EPHA6: variants seen among roughly 807,000 people sequenced by gnomAD.
The protein encoded by EPHA6 is ephrin type-A receptor 6.
EPHA6 carries 50 observed loss-of-function variants against 112.0 expected under a neutral mutation model. The ratio of observed to expected loss-of-function variants is 0.45; its 90% CI spans 0.36 to 0.56. EPHA6 has a LOEUF of 0.56. EPHA6 is among the 20% of genes least tolerant of loss of function. EPHA6 has a pLI of 0.00. For missense variants in EPHA6, 1,280 were observed against 1,417.4 expected, an observed-to-expected ratio of 0.90 and a Z score of 1.56; for synonymous variants, 529 against 490.7, an observed-to-expected ratio of 1.08 and a Z score of -1.03.
chr3:97,185,896 A>G (rs1389284867), intron 3 of EPHA6, among the ~76,000 whole-genome samples: 1 of 151,996 alleles, frequency 6.6e-6, no homozygotes, highest in East Asian at 1.9e-4. Flanking sequence ...AAAAGGATGA[A>G]TTCATGTCCT....
chr3:96,934,722 G>A (rs2040494567), intron 2 of EPHA6, among the ~76,000 whole-genome samples: 1 of 150,830 alleles, frequency 6.6e-6, no homozygotes, highest in African/African-American at 2.4e-5. Context: ...TAAACTAAGG[G>A]GAATAATTAG....
At chr3:97,443,310 C>T (rs1211860037) in intron 6 of EPHA6, among the ~76,000 whole-genome samples, 1 of 148,540 alleles carries the variant, frequency 6.7e-6, no homozygotes, top group Non-Finnish European at 1.5e-5. Context: ...AGCTTCAGTC[C>T]TCTAGCCAGT....
At chr3:97,506,977 G>T (rs2092266174) in intron 10 of EPHA6, among the ~76,000 whole-genome samples, 1 of 151,914 alleles carries the variant, frequency 6.6e-6, no homozygotes, top group African/African-American at 2.4e-5. Context: ...GTCTATTATT[G>T]GTGTAGAGGA....
chr3:97,608,824 G>A (rs2093698053), intron 12 of EPHA6, among the ~76,000 whole-genome samples: 1 of 151,284 alleles, frequency 6.6e-6, no homozygotes, highest in Non-Finnish European at 1.5e-5. Flanking sequence ...CTAACAGGGT[G>A]AGACTTGGAG....
At chr3:96,815,679 T>C (rs1197142709) in intron 1 of EPHA6, among the ~76,000 whole-genome samples, 3 of 152,162 alleles carry the variant, frequency 2.0e-5, no homozygotes, top group Non-Finnish European at 4.4e-5. Context: ...ACAGATTGCT[T>C]GGAGGACTTT....
chr3:97,466,169 C>T, intron 7 of EPHA6: 1 of 664,534 alleles, frequency 1.5e-6, no homozygotes, highest in Non-Finnish European at 2.8e-6. Flanking sequence ...CACATTTCCA[C>T]TCCATTTCAC....
At chr3:97,421,255 A>T (rs1170809521) in intron 6 of EPHA6, among the ~76,000 whole-genome samples, 1 of 152,172 alleles carries the variant, frequency 6.6e-6, no homozygotes, top group African/African-American at 2.4e-5. Context: ...ATTCCAGATG[A>T]TATGACTCTT....
intron 3 of EPHA6, among the ~76,000 whole-genome samples, chr3:97,222,824 T>C (rs2078245954): frequency 6.6e-6 from 1 of 152,172 alleles, no homozygotes; most frequent in African/African-American, 2.4e-5. Flanking sequence ...ACAAATCTGC[T>C]CTTGTGGTGC....
chr3:96,829,987 A>ACG, intron 1 of EPHA6, among the ~76,000 whole-genome samples: 1 of 150,444 alleles, frequency 6.6e-6, no homozygotes, highest in Non-Finnish European at 1.5e-5. Context: ...ACACACACAC[A>ACG]CAGAAATGGT....
At position 97,646,362 on chromosome 3, in the gene EPHA6, C is replaced by G. The variant is rs564567477; in HGVS notation, c.2784+8280C>G. Reference sequence around the variant, plus strand: ...AATCCTATACATGTAATATATAAGACAGTATTGTCCACATTTCAAAATACA... The same window carrying G: ...AATCCTATACATGTAATATATAAGAGAGTATTGTCCACATTTCAAAATACA... On this transcript the variant is annotated intron_variant, in intron 14 of 17. Coordinates refer to ENST00000389672, the MANE Select transcript of EPHA6 (RefSeq NM_001080448.3). 48 of 1,185,410 alleles carry G rather than the reference C, an allele frequency of 4.0e-5. 1 individual carries two copies. In the South Asian group the frequency reaches 1.0e-3, roughly 25 times the overall value. The allele number at this position is 1,185,410 out of a possible 1,614,324, so 73.4% of individuals were successfully genotyped here.
At chr3:96,847,954 C>A (rs1415036738) in intron 1 of EPHA6, among the ~76,000 whole-genome samples, 6 of 152,046 alleles carry the variant, frequency 3.9e-5, no homozygotes, top group African/African-American at 1.4e-4. Flanking sequence ...TGTTTTATAA[C>A]GTTCACAGTT....
In EPHA6 at chr3:97,749,397, T is replaced by C. The variant is rs1353574276; in HGVS notation, c.*696T>C. ...ACTTTATAATGTCATACATATTTCA[T>C]AGTAGGTGGTAGTTTAAAGGCTTTT... On this transcript the variant is annotated 3_prime_UTR_variant, in exon 18 of 18. Transcript: ENST00000389672. Among the ~76,000 whole-genome samples, 2 of 152,166 alleles carry C rather than the reference T, an allele frequency of 1.3e-5. No individual in the cohort carries two copies. Among genetic ancestry groups the C allele is most frequent in the African/African-American group, 2.4e-5 (1 of 41,440 alleles).
At chr3:97,228,555 AT>A (rs544650641) in intron 4 of EPHA6, among the ~76,000 whole-genome samples, 477 of 150,894 alleles carry the variant, frequency 3.2e-3, no homozygotes, top group African/African-American at 0.011. Context: ...ATATATATAT[AT>A]AATGTAAATG....
At chr3:96,976,735 C>T (rs2042540180) in intron 2 of EPHA6, among the ~76,000 whole-genome samples, 2 of 152,112 alleles carry the variant, frequency 1.3e-5, no homozygotes, top group South Asian at 2.1e-4. Flanking sequence ...GAAGATATGA[C>T]CTTGAGGGAT....
Position 97,500,260 on chromosome 3 carries a change from A to G in EPHA6, c.2200+16201A>G, listed in dbSNP as rs537007458. On this transcript the variant is annotated intron_variant, in intron 10 of 17. Transcript: ENST00000389672. ...GTAAGTTCATTCTGACATTCCTAGA[A>G]ATACCTGAGACTGGATAATTTTATT... Among the ~76,000 whole-genome samples the G allele has an allele frequency of 2.4e-3, 358 of 152,226 alleles. 2 individuals are homozygous for G. The highest frequency in any genetic ancestry group is 8.2e-3 in the African/African-American group (339 of 41,534).
At chr3:96,956,983 A>G (rs1424332360) in intron 2 of EPHA6, among the ~76,000 whole-genome samples, 2 of 151,804 alleles carry the variant, frequency 1.3e-5, no homozygotes, top group African/African-American at 4.8e-5. Flanking sequence ...CAGTGAGCCA[A>G]GATTGCACCA....
intron 2 of EPHA6, among the ~76,000 whole-genome samples, chr3:96,970,054 T>C (rs1482745666): frequency 6.6e-6 from 1 of 152,034 alleles, no homozygotes; most frequent in Non-Finnish European, 1.5e-5. Flanking sequence ...ATAGACTTTA[T>C]TAGTAATTAC....
intron 3 of EPHA6, among the ~76,000 whole-genome samples, chr3:96,989,394 G>A (rs2043136830): frequency 6.6e-6 from 1 of 152,160 alleles, no homozygotes; most frequent in Non-Finnish European, 1.5e-5. Context: ...ATTAAAGTAT[G>A]TTTCATTCAA....
intron 2 of EPHA6, among the ~76,000 whole-genome samples, chr3:96,889,970 G>A (rs1028980216): frequency 2.6e-5 from 4 of 151,792 alleles, no homozygotes; most frequent in Non-Finnish European, 5.9e-5. Context: ...TATCCACATT[G>A]GAATACATAT....
Sources: allele counts gnomAD v4.1 joint callset (sites outside exome capture counted in the v4.1 genomes callset), GRCh38; gene constraint gnomAD v4.1.1; transcripts MANE v1.5; gene names NCBI Gene and HGNC (gene_info 2026-07-23, HGNC 2026-07-21).